AR: variants seen among roughly 807,000 people sequenced by gnomAD.
The protein encoded by AR is dihydrotestosterone receptor.
AR carries 8 observed loss-of-function variants against 53.9 expected under a neutral mutation model. The observed-to-expected ratio is 0.15, with a 90% CI of 0.09 to 0.27. AR has a LOEUF of 0.27. AR is among the 10% of genes least tolerant of loss of function. AR has a pLI of 1.00. For synonymous variants in AR, 359 were observed against 316.4 expected (o/e 1.13, Z -1.43); for missense variants, 639 against 742.5 (o/e 0.86, Z 1.62).
At chrX:67,637,299 G>T (rs1490066109) in intron 1 of AR, among the ~76,000 whole-genome samples, 3 of 102,284 alleles carry the variant, frequency 2.9e-5, no homozygotes, top group African/African-American at 1.1e-4. Context: ...TTAGCATTAG[G>T]TATATCTCCT....
intron 1 of AR, among the ~76,000 whole-genome samples, chrX:67,559,445 C>G (rs924463626): frequency 1.9e-4 from 21 of 111,815 alleles, no homozygotes; most frequent in Non-Finnish European, 3.4e-4. Flanking sequence ...GGGATTTACA[C>G]TAAATAAGAA....
rs1367829241 is a variant in AR, at chrX:67,717,539, C to A, written c.2235C>A (p.Leu745=). Residue 745 remains leucine (L), a synonymous_variant, in exon 5 of 8, where the codon CTC becomes CTA. Coordinates refer to ENST00000374690, the MANE Select transcript of AR (RefSeq NM_000044.6). The stretch of plus-strand genomic sequence containing the variant: ...TCATTCAGTACTCCTGGATGGGGCT[C>A]ATGGTGTTTGCCATGGGCTGGCGAT... ...MAVIQYSWMG[L]MVFAMGWRSF... 1 of 1,210,630 alleles carries A rather than the reference C, an allele frequency of 8.3e-7. No homozygotes were observed. The highest frequency in any genetic ancestry group is 1.1e-6 in the Non-Finnish European group (1 of 895,285).
intron 3 of AR, among the ~76,000 whole-genome samples, chrX:67,710,012 C>T (rs752225638): frequency 7.2e-5 from 8 of 111,040 alleles, no homozygotes; most frequent in Non-Finnish European, 1.1e-4. Context: ...CCAACCTTTC[C>T]GTCTCCAAGA....
intron 3 of AR, chrX:67,689,837 A>G: frequency 2.0e-6 from 1 of 495,105 alleles, no homozygotes; most frequent in Non-Finnish European, 2.5e-6. Context: ...GTCCATAGTT[A>G]GGATAAATGT....
chrX:67,711,286 C>G (rs746217091), intron 3 of AR, 116 bp from the exon 4 acceptor site: 67 of 818,390 alleles, frequency 8.2e-5, no homozygotes, highest in Non-Finnish European at 1.2e-4. Context: ...AGTTTAGAGT[C>G]TGTGACCAGG....
intron 2 of AR, among the ~76,000 whole-genome samples, chrX:67,681,649 G>A (rs1212422400): frequency 8.9e-6 from 1 of 112,205 alleles, no homozygotes; most frequent in Non-Finnish European, 1.9e-5. Context: ...GGCCCAATGG[G>A]TTAGAGCTAA....
In AR at chrX:67,722,744, T is replaced by A. The variant is rs1457688392; in HGVS notation, c.2450-83T>A. On this transcript the variant is annotated intron_variant, in intron 6 of 7. Coordinates refer to ENST00000374690, the MANE Select transcript of AR (RefSeq NM_000044.6). ...TCCCTGTGGGGGTGGGGGTCAAGTCTGTGGTCAGAAAACTTGGTGCTTTGT... is the reference window on the plus strand; with the variant it reads ...TCCCTGTGGGGGTGGGGGTCAAGTCAGTGGTCAGAAAACTTGGTGCTTTGT... 5.4e-6 allele frequency: 6 copies of A among 1,120,461 alleles called. No individual in the cohort carries two copies. The Admixed American group carries it at 9.1e-5, about 17-fold the overall frequency. The allele number at this position is 1,120,461 out of a possible 1,213,427, so 92.3% of individuals were successfully genotyped here.
chrX:67,721,250 C>T (rs1207541262), intron 5 of AR, among the ~76,000 whole-genome samples: 1 of 112,170 alleles, frequency 8.9e-6, no homozygotes, highest in South Asian at 3.7e-4. Context: ...TTTGAAAGAA[C>T]AATGTGGAAT....
intron 3 of AR, chrX:67,689,512 C>T (rs1421786344): frequency 1.4e-5 from 12 of 884,869 alleles, no homozygotes; most frequent in Non-Finnish European, 1.7e-5. Context: ...CTTTTTCTTT[C>T]CTGCTTCCAG....
intron 2 of AR, among the ~76,000 whole-genome samples, chrX:67,663,998 G>A (rs1206258830): frequency 3.6e-5 from 4 of 111,267 alleles, no homozygotes; most frequent in African/African-American, 1.3e-4. Context: ...TCTCTGCATT[G>A]GTTATTCTAG....
intron 1 of AR, among the ~76,000 whole-genome samples, chrX:67,553,498 C>A (rs1479689575): frequency 3.8e-4 from 42 of 111,814 alleles, no homozygotes; most frequent in Admixed American, 9.5e-5. Flanking sequence ...AACTCTTCAA[C>A]TTTGGTCTTC....
At chrX:67,631,991 C>T (rs774751158) in intron 1 of AR, among the ~76,000 whole-genome samples, 2 of 113,356 alleles carry the variant, frequency 1.8e-5, no homozygotes, top group African/African-American at 6.4e-5. Context: ...AGGCAGTCTG[C>T]CCATTCTCAG....
chrX:67,635,008 CT>C (rs202222885), intron 1 of AR, among the ~76,000 whole-genome samples: 5,566 of 107,676 alleles, frequency 0.052, 532 homozygotes, highest in African/African-American at 0.19. Flanking sequence ...GTCTCTTCCC[CT>C]CTCTCTCCCT....
intron 2 of AR, among the ~76,000 whole-genome samples, chrX:67,684,299 A>G (rs1421753082): frequency 8.9e-6 from 1 of 112,097 alleles, no homozygotes; most frequent in African/African-American, 3.2e-5. Flanking sequence ...ACAGAAATAA[A>G]GCTGTTAGCA....
intron 1 of AR, among the ~76,000 whole-genome samples, chrX:67,601,359 T>A (rs1317453822): frequency 1.8e-5 from 2 of 111,853 alleles, no homozygotes; most frequent in Non-Finnish European, 3.8e-5. Flanking sequence ...TAATTTTATG[T>A]CTCCCAAGGA....
intron 1 of AR, among the ~76,000 whole-genome samples, chrX:67,623,956 CA>C (rs1924494603): frequency 9.0e-6 from 1 of 110,984 alleles, no homozygotes; most frequent in South Asian, 3.8e-4. Flanking sequence ...ACAGTCTGTA[CA>C]GCAGGCATGG....
chrX:67,667,740 A>G (rs1927343363), intron 2 of AR, among the ~76,000 whole-genome samples: 1 of 110,713 alleles, frequency 9.0e-6, no homozygotes, highest in South Asian at 3.8e-4. Context: ...AATTTCTTAT[A>G]TTAATTTTTT....
intron 1 of AR, among the ~76,000 whole-genome samples, chrX:67,640,256 A>G (rs775993961): frequency 2.7e-5 from 3 of 111,405 alleles, no homozygotes; most frequent in East Asian, 2.8e-4. Flanking sequence ...ACTGATGTTC[A>G]TCAGGGTTAT....
At chrX:67,611,237 T>C (rs1923867510) in intron 1 of AR, among the ~76,000 whole-genome samples, 1 of 112,045 alleles carries the variant, frequency 8.9e-6, no homozygotes, top group South Asian at 3.7e-4. Context: ...GGATATTAAC[T>C]TTTTAAATCT....
Sources: allele counts gnomAD v4.1 joint callset (sites outside exome capture counted in the v4.1 genomes callset), GRCh38; gene constraint gnomAD v4.1.1; transcripts MANE v1.5; gene names NCBI Gene and HGNC (gene_info 2026-07-23, HGNC 2026-07-21).